The following CCDC178 variants were observed in gnomAD, a reference collection of about 807,000 sequenced individuals.
CCDC178 encodes the protein coiled-coil domain-containing protein 178.
In CCDC178, 126 loss-of-function variants were observed where a neutral mutation model predicts 117.4. The observed-to-expected ratio is 1.07, with a 90% CI of 0.93 to 1.24. The LOEUF (loss-of-function observed/expected upper bound fraction) is 1.24, where lower values mean the gene tolerates loss of function less well. Among genes scored for constraint, CCDC178 ranks in the 50% most tolerant of loss-of-function variants. CCDC178 has a pLI of 0.00. For synonymous variants in CCDC178, 283 were observed against 313.4 expected, an observed-to-expected ratio of 0.90 and a Z score of 1.02; for missense variants, 1,030 against 986.9, an observed-to-expected ratio of 1.04 and a Z score of -0.59.
intron 5 of CCDC178, among the ~76,000 whole-genome samples, chr18:33,378,424 CT>C (rs1166602909): frequency 2.6e-4 from 39 of 152,194 alleles, no homozygotes; most frequent in Non-Finnish European, 8.8e-5. Context: ...GTTTGGATGC[CT>C]TTTATTTCTT....
intron 12 of CCDC178, among the ~76,000 whole-genome samples, chr18:33,270,793 AC>A: frequency 6.6e-6 from 1 of 151,698 alleles, no homozygotes; most frequent in East Asian, 1.9e-4. Flanking sequence ...AGAAATAAAG[AC>A]AACCAGTAAT....
chr18:32,951,019 C>T (rs2054471138), intron 22 of CCDC178, among the ~76,000 whole-genome samples: 1 of 152,060 alleles, frequency 6.6e-6, no homozygotes, highest in African/African-American at 2.4e-5. Context: ...CTCTAGAATT[C>T]CAATACTACA....
At chr18:33,144,496 G>A (rs1325624487) in intron 20 of CCDC178, among the ~76,000 whole-genome samples, 1 of 151,974 alleles carries the variant, frequency 6.6e-6, no homozygotes, top group East Asian at 1.9e-4. Context: ...GCTAGCAGAA[G>A]CAGCTCGATT....
intron 21 of CCDC178, among the ~76,000 whole-genome samples, chr18:33,002,588 A>T (rs1456051434): frequency 6.6e-6 from 1 of 152,026 alleles, no homozygotes; most frequent in Non-Finnish European, 1.5e-5. Flanking sequence ...ACATGAGAAA[A>T]ACTTCAAATA....
intron 21 of CCDC178, among the ~76,000 whole-genome samples, chr18:33,008,851 G>A (rs189672600): frequency 7.2e-5 from 11 of 152,146 alleles, no homozygotes; most frequent in Admixed American, 2.6e-4. Flanking sequence ...TCTCCAGTAA[G>A]GATACTTTCC....
intron 12 of CCDC178, among the ~76,000 whole-genome samples, chr18:33,271,890 G>A (rs1331445310): frequency 6.6e-6 from 1 of 151,468 alleles, no homozygotes; most frequent in African/African-American, 2.4e-5. Context: ...ACAACATATT[G>A]AAACTTATTG....
intron 9 of CCDC178, among the ~76,000 whole-genome samples, chr18:33,344,632 C>A (rs2062862571): frequency 6.6e-6 from 1 of 151,852 alleles, no homozygotes; most frequent in Admixed American, 6.6e-5. Flanking sequence ...TTAAATAAAA[C>A]CTTCCCTCCA....
chr18:33,275,486 T>C (rs910090962), intron 12 of CCDC178, among the ~76,000 whole-genome samples: 1 of 151,190 alleles, frequency 6.6e-6, no homozygotes, highest in African/African-American at 2.4e-5. Flanking sequence ...TACATTGTCA[T>C]TGAGGTTCAT....
chr18:32,982,668 C>T (rs2055176920), intron 21 of CCDC178, among the ~76,000 whole-genome samples: 1 of 152,076 alleles, frequency 6.6e-6, no homozygotes, highest in African/African-American at 2.4e-5. Context: ...TAGAATTTCT[C>T]CACATGCAAC....
intron 20 of CCDC178, among the ~76,000 whole-genome samples, chr18:33,152,797 C>A (rs2058354700): frequency 6.6e-6 from 1 of 152,088 alleles, no homozygotes; most frequent in Non-Finnish European, 1.5e-5. Context: ...GGAGAATGTA[C>A]ACCTCCAGGC....
chr18:33,029,575 T>G (rs2056294915), intron 21 of CCDC178, among the ~76,000 whole-genome samples: 1 of 151,964 alleles, frequency 6.6e-6, no homozygotes, highest in Admixed American at 6.6e-5. Flanking sequence ...CAATTACTGG[T>G]GTTGTAAGAC....
intron 11 of CCDC178, among the ~76,000 whole-genome samples, chr18:33,298,509 A>G (rs533257072): frequency 6.6e-6 from 1 of 152,292 alleles, no homozygotes; most frequent in Non-Finnish European, 1.5e-5. Context: ...ATATGACAAA[A>G]CCATAGCCAA....
At chr18:33,088,328 T>C (rs1037175147) in intron 21 of CCDC178, among the ~76,000 whole-genome samples, 4 of 151,020 alleles carry the variant, frequency 2.6e-5, no homozygotes, top group South Asian at 4.2e-4. Context: ...ACAAAATATG[T>C]TGGGATTTTT....
intron 21 of CCDC178, among the ~76,000 whole-genome samples, chr18:33,086,591 G>A (rs1489733405): frequency 6.6e-6 from 1 of 151,894 alleles, no homozygotes; most frequent in Non-Finnish European, 1.5e-5. Context: ...GGTTAACAGA[G>A]TTAACAGATT....
At chr18:33,170,056 T>TTGTG (rs35832872) in intron 20 of CCDC178, among the ~76,000 whole-genome samples, 21 of 148,386 alleles carry the variant, frequency 1.4e-4, no homozygotes, top group African/African-American at 2.0e-4. Flanking sequence ...TCCCAGGCAT[T>TTGTG]TGTGTGTGTG....
intron 19 of CCDC178, among the ~76,000 whole-genome samples, chr18:33,213,446 T>C (rs762153432): frequency 1.4e-4 from 21 of 151,872 alleles, no homozygotes; most frequent in Non-Finnish European, 2.7e-4. Flanking sequence ...GTCTGATCAG[T>C]AGCCAATGAT....
At chr18:32,970,605 C>T (rs2054905215) in intron 22 of CCDC178, among the ~76,000 whole-genome samples, 1 of 152,002 alleles carries the variant, frequency 6.6e-6, no homozygotes, top group African/African-American at 2.4e-5. Flanking sequence ...ACATTGATAC[C>T]TGCAGATTCA....
intron 22 of CCDC178, 116 bp downstream of exon 22, chr18:32,974,431 G>T (rs2054990234): frequency 1.0e-6 from 1 of 965,656 alleles, no homozygotes; most frequent in Non-Finnish European, 1.6e-6. Context: ...TATTAAAGAG[G>T]TTAAAAATTT....
intron 21 of CCDC178, among the ~76,000 whole-genome samples, chr18:33,071,514 G>C (rs965537835): frequency 6.6e-6 from 1 of 151,910 alleles, no homozygotes; most frequent in African/African-American, 2.4e-5. Context: ...ATACCAACAC[G>C]GTTTTCTGAA....
Sources: gnomAD v4.1 joint callset for allele counts (sites outside exome capture counted in the v4.1 genomes callset) on GRCh38, gnomAD v4.1.1 for gene constraint, MANE v1.5 for transcripts, NCBI Gene and HGNC (gene_info 2026-07-23, HGNC 2026-07-21) for gene names.